The following CDH19 variants were observed in gnomAD, a reference collection of about 807,000 sequenced individuals.
CDH19 encodes cadherin-19.
Under a neutral mutation model 64.2 loss-of-function variants are expected in CDH19, and 67 were observed. The observed-to-expected ratio is 1.04, with a 90% confidence interval of 0.86 to 1.28. The LOEUF is 1.28. Ranked by LOEUF, CDH19 falls within the 50% of genes most tolerant of loss-of-function variation. The pLI, the probability that CDH19 is intolerant of heterozygous loss-of-function variation, is 0.00. For synonymous variants in CDH19, 346 were observed against 319.3 expected (o/e 1.08, Z -0.89); for missense variants, 1,030 against 929.0 (o/e 1.11, Z -1.41).
At chr18:66,505,718 A>G (rs1985166848) in intron 11 of CDH19, among the ~76,000 whole-genome samples, 1 of 151,602 alleles carries the variant, frequency 6.6e-6, no homozygotes, top group Non-Finnish European at 1.5e-5. Context: ...CCAATGCTTC[A>G]TATTAATAGT....
intron 1 of CDH19, among the ~76,000 whole-genome samples, chr18:66,602,850 A>C (rs1310647032): frequency 6.6e-6 from 1 of 151,812 alleles, no homozygotes; most frequent in Non-Finnish European, 1.5e-5. Flanking sequence ...GGTCAATATA[A>C]ATGTTCACAT....
intron 9 of CDH19, 31 bp from the exon 10 acceptor site, chr18:66,511,716 T>C: frequency 9.9e-7 from 1 of 1,014,816 alleles, no homozygotes; most frequent in South Asian, 1.3e-5. Flanking sequence ...ATTTTTGTTG[T>C]TGTTTGGATT....
chr18:66,510,240 C>T (rs916163785), intron 10 of CDH19, among the ~76,000 whole-genome samples: 7 of 151,516 alleles, frequency 4.6e-5, no homozygotes, highest in African/African-American at 1.2e-4. Flanking sequence ...ACTATGAAAC[C>T]CTTAAGGTCT....
chr18:66,534,343 C>A (rs1986574539), intron 8 of CDH19, among the ~76,000 whole-genome samples: 1 of 151,824 alleles, frequency 6.6e-6, no homozygotes, highest in Non-Finnish European at 1.5e-5. Context: ...GAGATGCCTT[C>A]CACTCCACCA....
chr18:66,559,319 T>C (rs1206977189), intron 3 of CDH19, among the ~76,000 whole-genome samples: 2 of 152,000 alleles, frequency 1.3e-5, no homozygotes, highest in Non-Finnish European at 2.9e-5. Flanking sequence ...TTTCTGAATC[T>C]GATAATGAAT....
chr18:66,547,385 A>G (rs868238893), intron 5 of CDH19, among the ~76,000 whole-genome samples: 2 of 152,040 alleles, frequency 1.3e-5, no homozygotes, highest in Non-Finnish European at 2.9e-5. Flanking sequence ...ATTTGCTCCA[A>G]GAATATTGAA....
At position 66,544,143 on chromosome 18, in the gene CDH19, A is replaced by C; in HGVS notation, c.1042T>G (p.Tyr348Asp). 1 of 1,613,904 alleles carries C rather than the reference A, an allele frequency of 6.2e-7. No homozygotes were observed. The highest frequency in any genetic ancestry group is 8.5e-7 in the Non-Finnish European group (1 of 1,179,804). ...NHHVPEQLMK[Y>D]HTEASTTFIK... ...AAAGTGGTGGAAGCCTCAGTGTGGT[A>C]CTTCATGAGCTGCTCAGGAACATGA... is the stretch of plus-strand genomic sequence containing the variant. The change falls in exon 7 of 12, where the codon TAC (tyrosine) becomes GAC (aspartate). Residue 348 changes from tyrosine (Y) to aspartate (D), a missense_variant. By Grantham distance (160) the Tyr-to-Asp change is radical (BLOSUM62 -3). Coordinates refer to ENST00000262150, the MANE Select transcript of CDH19 (RefSeq NM_021153.4).
At chr18:66,577,188 A>G (rs1988290586) in intron 1 of CDH19, among the ~76,000 whole-genome samples, 1 of 151,880 alleles carries the variant, frequency 6.6e-6, no homozygotes, top group Admixed American at 6.6e-5. Flanking sequence ...ATTAAAATTA[A>G]AATACAAAAT....
At chr18:66,555,193 A>T (rs538954045) in intron 3 of CDH19, among the ~76,000 whole-genome samples, 2 of 151,996 alleles carry the variant, frequency 1.3e-5, no homozygotes, top group Non-Finnish European at 2.9e-5. Flanking sequence ...TCAGATTTTT[A>T]AAATATTTAT....
At chr18:66,597,494 A>C (rs1988931855) in intron 1 of CDH19, among the ~76,000 whole-genome samples, 1 of 152,134 alleles carries the variant, frequency 6.6e-6, no homozygotes, top group Non-Finnish European at 1.5e-5. Context: ...ACAACTATAA[A>C]CACCCTAGGA....
chr18:66,557,314 G>A (rs547565092), intron 3 of CDH19, among the ~76,000 whole-genome samples: 6 of 152,056 alleles, frequency 3.9e-5, no homozygotes, highest in African/African-American at 1.4e-4. Flanking sequence ...GTAGTGACAT[G>A]CCAGAGCAGG....
intron 1 of CDH19, among the ~76,000 whole-genome samples, chr18:66,590,546 G>A (rs1988713684): frequency 6.6e-6 from 1 of 150,466 alleles, no homozygotes; most frequent in African/African-American, 2.4e-5. Flanking sequence ...AAAAGAAAAT[G>A]CATGTAGAAG....
At chr18:66,505,327 A>G in intron 11 of CDH19, 25 bp from the exon 12 acceptor site, 1 of 1,499,974 alleles carries the variant, frequency 6.7e-7, no homozygotes, top group Non-Finnish European at 8.9e-7. Flanking sequence ...ACATCAGAAT[A>G]TCAATAAACA....
chr18:66,553,683 G>C (rs528220776), intron 4 of CDH19, among the ~76,000 whole-genome samples: 2 of 131,832 alleles, frequency 1.5e-5, no homozygotes, highest in African/African-American at 3.6e-5. Context: ...TTTCAGTGGA[G>C]ACTATAATCT....
chr18:66,532,173 G>C (rs1986471133), intron 8 of CDH19, among the ~76,000 whole-genome samples: 1 of 151,798 alleles, frequency 6.6e-6, no homozygotes, highest in Admixed American at 6.6e-5. Context: ...TGCCATGTTG[G>C]CAACGGTGAT....
intron 1 of CDH19, among the ~76,000 whole-genome samples, chr18:66,573,094 C>T (rs1214465576): frequency 1.3e-5 from 2 of 151,538 alleles, no homozygotes; most frequent in African/African-American, 4.8e-5. Context: ...TTAAAACTTT[C>T]CATTGACCCA....
chr18:66,592,971 G>T (rs2144631572), intron 1 of CDH19, among the ~76,000 whole-genome samples: 1 of 151,780 alleles, frequency 6.6e-6, no homozygotes, highest in South Asian at 2.1e-4. Flanking sequence ...AGTTTTTGGA[G>T]AAACCTTCAT....
At chr18:66,508,519 A>C (rs1306908868) in intron 11 of CDH19, among the ~76,000 whole-genome samples, 1 of 151,838 alleles carries the variant, frequency 6.6e-6, no homozygotes, top group Non-Finnish European at 1.5e-5. Flanking sequence ...TTCATAAAGC[A>C]CAAAGCTTTT....
chr18:66,517,521 T>C (rs1380791933), intron 9 of CDH19, among the ~76,000 whole-genome samples: 1 of 152,052 alleles, frequency 6.6e-6, no homozygotes, highest in Non-Finnish European at 1.5e-5. Flanking sequence ...TTCCCCACCC[T>C]GGCCACTTAC....
Sources: gnomAD v4.1 joint callset for allele counts (sites outside exome capture counted in the v4.1 genomes callset) on GRCh38, gnomAD v4.1.1 for gene constraint, MANE v1.5 for transcripts, NCBI Gene and HGNC (gene_info 2026-07-23, HGNC 2026-07-21) for gene names.